The following CEP112 variants were observed in gnomAD, a reference collection of about 807,000 sequenced individuals.
The protein encoded by CEP112 is centrosomal protein 112, also known as centrosomal protein of 112 kDa.
In CEP112, 127 loss-of-function variants were observed where a neutral mutation model predicts 153.0. The observed-to-expected ratio is 0.83, with a 90% CI of 0.72 to 0.96. The LOEUF (loss-of-function observed/expected upper bound fraction) is 0.96. CEP112 is among the 40% of genes least tolerant of loss of function. The pLI, the probability that CEP112 is intolerant of heterozygous loss-of-function variation, is 0.00. For synonymous variants in CEP112, 358 were observed against 374.4 expected (o/e 0.96, Z 0.51); for missense variants, 1,089 against 1,101.2 (o/e 0.99, Z 0.16).
chr17:66,190,489 T>C (rs997677889), intron 1 of CEP112, among the ~76,000 whole-genome samples: 4 of 152,084 alleles, frequency 2.6e-5, no homozygotes, highest in African/African-American at 9.7e-5. Flanking sequence ...CTTAGAGTAA[T>C]TATAGTGTGC....
At chr17:65,967,815 A>G (rs1353293075) in intron 17 of CEP112, among the ~76,000 whole-genome samples, 4 of 152,164 alleles carry the variant, frequency 2.6e-5, no homozygotes, top group Non-Finnish European at 4.4e-5. Context: ...ACTCTAGCTC[A>G]GCAAATACAA....
chr17:65,878,582 CA>C (rs943179305), intron 20 of CEP112, among the ~76,000 whole-genome samples: 1 of 151,962 alleles, frequency 6.6e-6, no homozygotes, highest in Admixed American at 6.6e-5. Context: ...GAAAATAGGA[CA>C]ATATCGAGGT....
chr17:65,970,171 T>A (rs62064271), intron 17 of CEP112, among the ~76,000 whole-genome samples: 71,750 of 150,026 alleles, frequency 0.48, 18,271 homozygotes, highest in East Asian at 0.89. Context: ...ACATGCATAT[T>A]ACATTTGTAT....
At chr17:66,166,984 C>T (rs1441310271) in intron 4 of CEP112, among the ~76,000 whole-genome samples, 8 of 151,644 alleles carry the variant, frequency 5.3e-5, no homozygotes, top group Admixed American at 4.6e-4. Context: ...ATGAGGCCAG[C>T]CACTGTGTGT....
chr17:65,889,649 C>T (rs2059396655), intron 20 of CEP112, among the ~76,000 whole-genome samples: 1 of 152,116 alleles, frequency 6.6e-6, no homozygotes, highest in African/African-American at 2.4e-5. Flanking sequence ...ATCCATTACC[C>T]TCCATGCTCA....
intron 23 of CEP112, among the ~76,000 whole-genome samples, chr17:65,728,120 A>G (rs771296498): frequency 2.0e-5 from 3 of 152,228 alleles, no homozygotes; most frequent in Non-Finnish European, 4.4e-5. Context: ...AATAGCTTCA[A>G]CTAGGACTAT....
At chr17:65,911,277 A>T (rs921074285) in intron 19 of CEP112, among the ~76,000 whole-genome samples, 2 of 152,216 alleles carry the variant, frequency 1.3e-5, no homozygotes, top group African/African-American at 4.8e-5. Flanking sequence ...TGTGAGAATT[A>T]TGGTTATGGA....
chr17:65,989,403 C>G (rs1423518416), intron 17 of CEP112, among the ~76,000 whole-genome samples: 1 of 151,552 alleles, frequency 6.6e-6, no homozygotes, highest in Non-Finnish European at 1.5e-5. Context: ...AGCTCCAATT[C>G]ATTTGGCAAC....
intron 4 of CEP112, among the ~76,000 whole-genome samples, chr17:66,165,928 G>A (rs894333061): frequency 6.6e-6 from 1 of 152,082 alleles, no homozygotes; most frequent in East Asian, 1.9e-4. Flanking sequence ...CTAAAATCTA[G>A]CATCAAATAA....
intron 23 of CEP112, among the ~76,000 whole-genome samples, chr17:65,711,856 TCCGTTA>T (rs1318063703): frequency 1.3e-5 from 2 of 152,210 alleles, no homozygotes; most frequent in Admixed American, 6.5e-5. Context: ...AGGTACCACG[TCCGTTA>T]CCAAACAACC....
chr17:65,961,368 T>C (rs1377671910), intron 18 of CEP112, 95 bp downstream of exon 18: 4 of 1,277,596 alleles, frequency 3.1e-6, no homozygotes, highest in Non-Finnish European at 4.3e-6. Context: ...ACAGCTCTTT[T>C]AAAAAGTGAA....
intron 13 of CEP112, 101 bp from the exon 14 acceptor site, chr17:66,029,353 T>C (rs1211792344): frequency 2.0e-6 from 2 of 1,004,540 alleles, no homozygotes; most frequent in Non-Finnish European, 1.5e-6. Flanking sequence ...CCATTCAATA[T>C]ATTAAATAAG....
intron 18 of CEP112, among the ~76,000 whole-genome samples, chr17:65,956,812 A>G (rs1599140276): frequency 6.6e-6 from 1 of 152,262 alleles, no homozygotes; most frequent in East Asian, 1.9e-4. Context: ...TATATACATA[A>G]AAATAAAAAT....
At chr17:65,873,242 T>C (rs2146522395) in intron 20 of CEP112, 1 of 152,316 alleles carries the variant, frequency 6.6e-6, no homozygotes, top group African/African-American at 2.4e-5. Context: ...AACCTTTTTG[T>C]TACCCTCCAT....
intron 8 of CEP112, among the ~76,000 whole-genome samples, chr17:66,073,429 T>C (rs772231413): frequency 3.9e-5 from 6 of 152,182 alleles, no homozygotes; most frequent in Non-Finnish European, 7.4e-5. Flanking sequence ...TCCCAGAAGA[T>C]TTCCCTGTCA....
At chr17:65,655,661 A>C (rs971842756) in intron 24 of CEP112, among the ~76,000 whole-genome samples, 20 of 152,334 alleles carry the variant, frequency 1.3e-4, no homozygotes, top group African/African-American at 4.8e-4. Flanking sequence ...TGCTAGCCAC[A>C]AATTTTAGTT....
rs1308758595 is a variant in CEP112 at position 66,140,699 on chromosome 17, A to G, written c.471-7936T>C. On this transcript the variant is annotated intron_variant, in intron 4 of 26. Transcript: ENST00000535342. ...CTCTTGTTGCCAAGGCTGGGGTGCA[A>G]TGGTGCAATCTTGGCTCACTGCAAC... 3.3e-5 allele frequency among the ~76,000 whole-genome samples: 5 copies of G among 152,100 alleles called. No homozygotes were observed. In the East Asian group the frequency reaches 7.7e-4, roughly 23 times the overall value.
chr17:66,188,505 GC>G (rs578033322), intron 1 of CEP112, among the ~76,000 whole-genome samples: 8 of 149,574 alleles, frequency 5.3e-5, no homozygotes, highest in East Asian at 2.0e-4. Flanking sequence ...AGTGAAGCTG[GC>G]CCCCCCTTGC....
intron 19 of CEP112, chr17:65,913,773 T>C (rs1168400008): frequency 1.0e-6 from 1 of 985,278 alleles, no homozygotes; most frequent in Non-Finnish European, 1.2e-6. Context: ...AAGCTCATGA[T>C]ACAGGGAGAG....
Sources: allele counts gnomAD v4.1 joint callset (sites outside exome capture counted in the v4.1 genomes callset), GRCh38; gene constraint gnomAD v4.1.1; transcripts MANE v1.5; gene names NCBI Gene and HGNC (gene_info 2026-07-23, HGNC 2026-07-21).